Variants in JPH3 observed in about 807,000 individuals in gnomAD.
JPH3 encodes the protein junctophilin-3.
In JPH3, 11 loss-of-function variants were observed where a neutral mutation model predicts 59.6. The ratio of observed to expected loss-of-function variants is 0.18; its 90% confidence interval spans 0.12 to 0.31. The LOEUF is 0.31. Ranked by LOEUF, JPH3 falls within the 10% of genes least tolerant of loss-of-function variation. The pLI is 1.00. For missense variants in JPH3, 1,202 were observed against 1,105.7 expected (o/e 1.09, Z -1.24); for synonymous variants, 673 against 483.6 (o/e 1.39, Z -5.14).
chr16:87,687,568 G>A (rs1055583617), intron 3 of JPH3, among the ~76,000 whole-genome samples: 6 of 152,314 alleles, frequency 3.9e-5, no homozygotes, highest in Admixed American at 2.6e-4. Flanking sequence ...ATCCGCCCCC[G>A]CCCCAGAGGC....
intron 1 of JPH3, among the ~76,000 whole-genome samples, chr16:87,620,014 A>T (rs973509053): frequency 7.9e-5 from 12 of 152,252 alleles, no homozygotes; most frequent in African/African-American, 1.7e-4. Flanking sequence ...GGGCCCTCAC[A>T]CGTCACCCTT....
rs562557465 is a variant in JPH3 at position 87,634,072 on chromosome 16, C to T, written c.383-10186C>T. Among the ~76,000 whole-genome samples the T allele has an allele frequency of 7.2e-5, 11 of 152,304 alleles. No homozygotes were observed. The East Asian group carries it at 2.1e-3, about 29-fold the overall frequency. On this transcript the variant is annotated intron_variant, in intron 1 of 4. Transcript: ENST00000284262. ...GCCGTGCAATGAATGGGGCTCCGTG[C>T]AGCCGGGGACAAAGTGGGTGCAGAG... is the stretch of plus-strand genomic sequence containing the variant.
chr16:87,623,580 A>G (rs1405046199), intron 1 of JPH3, among the ~76,000 whole-genome samples: 1 of 152,192 alleles, frequency 6.6e-6, no homozygotes, highest in African/African-American at 2.4e-5. Context: ...TCATTCCCCA[A>G]CAAAACAACC....
chr16:87,677,227 A>C (rs4989520), intron 2 of JPH3, among the ~76,000 whole-genome samples: 35,784 of 95,120 alleles, frequency 0.38, 6,037 homozygotes, highest in Non-Finnish European at 0.41. Context: ...CACACACACA[A>C]AAAAAAAAAT....
chr16:87,663,654 C>A (rs190929637), intron 2 of JPH3, among the ~76,000 whole-genome samples: 2 of 152,300 alleles, frequency 1.3e-5, no homozygotes, highest in East Asian at 3.9e-4. Flanking sequence ...CACACAGCCC[C>A]AGCCGCCCCA....
rs577868514 is a variant in JPH3, at chr16:87,637,506, G to A, written c.383-6752G>A. On this transcript the variant is annotated intron_variant, in intron 1 of 4. Coordinates refer to ENST00000284262, the MANE Select transcript of JPH3 (RefSeq NM_020655.4). Reference sequence around the variant, plus strand: ...TTTGCGCCGGTGTTGGGCCTGAAGTGTGTCCTGTGTGCATGTCTCTGACCC... The same window carrying A: ...TTTGCGCCGGTGTTGGGCCTGAAGTATGTCCTGTGTGCATGTCTCTGACCC... Among the ~76,000 whole-genome samples the A allele has an allele frequency of 1.1e-4, 17 of 152,264 alleles. No homozygotes were observed. In the South Asian group the frequency reaches 3.5e-3, roughly 32 times the overall value.
intron 2 of JPH3, among the ~76,000 whole-genome samples, chr16:87,658,693 G>C (rs1044382910): frequency 1.3e-5 from 2 of 152,192 alleles, no homozygotes; most frequent in African/African-American, 4.8e-5. Context: ...CCAGCAGGTG[G>C]AGCAGGAGGA....
At chr16:87,691,806 TACA>T (rs749328711) in intron 4 of JPH3, among the ~76,000 whole-genome samples, 2 of 151,954 alleles carry the variant, frequency 1.3e-5, no homozygotes, top group Non-Finnish European at 2.9e-5. Context: ...AGCTCACACT[TACA>T]ACTTGATTTT....
chr16:87,687,128 A>C (rs1048070928), intron 3 of JPH3, among the ~76,000 whole-genome samples: 2 of 152,014 alleles, frequency 1.3e-5, no homozygotes, highest in Non-Finnish European at 2.9e-5. Flanking sequence ...ATTCAGGATC[A>C]GTGTTCCCAG....
At chr16:87,671,302 C>T (rs2033009726) in intron 2 of JPH3, among the ~76,000 whole-genome samples, 1 of 152,188 alleles carries the variant, frequency 6.6e-6, no homozygotes, top group African/African-American at 2.4e-5. Context: ...CTGGGTTGTG[C>T]TGAAGGAGGG....
At chr16:87,652,708 G>A (rs1052576369) in intron 2 of JPH3, among the ~76,000 whole-genome samples, 1 of 152,228 alleles carries the variant, frequency 6.6e-6, no homozygotes, top group African/African-American at 2.4e-5. Flanking sequence ...CTAGATGATG[G>A]TGCCTACTCT....
At chr16:87,679,104 C>A (rs1324678235) in intron 2 of JPH3, among the ~76,000 whole-genome samples, 1 of 152,196 alleles carries the variant, frequency 6.6e-6, no homozygotes, top group Admixed American at 6.5e-5. Context: ...GTGGGGCCCC[C>A]GTGTGCCCAT....
chr16:87,615,825 G>C (rs975560509), intron 1 of JPH3, among the ~76,000 whole-genome samples: 1 of 152,188 alleles, frequency 6.6e-6, no homozygotes, highest in African/African-American at 2.4e-5. Flanking sequence ...GGAGGCGAGT[G>C]GGGGAAGAGA....
chr16:87,681,190 TCAGGTGCACGCGGTGATGACAGTTCC>T (rs1217493496), intron 2 of JPH3, among the ~76,000 whole-genome samples: 1 of 142,386 alleles, frequency 7.0e-6, no homozygotes, highest in African/African-American at 2.7e-5. Flanking sequence ...TTCCGGGAGG[TCAGGTGCACGCGGTGATGACAGTTCC>T]GGGAGGTCAG....
chr16:87,687,294 C>T (rs543050390), intron 3 of JPH3, among the ~76,000 whole-genome samples: 3 of 152,144 alleles, frequency 2.0e-5, no homozygotes, highest in Non-Finnish European at 4.4e-5. Flanking sequence ...GTTGCCAGAG[C>T]GCTCAGGCAG....
At chr16:87,627,900 A>G (rs1168373724) in intron 1 of JPH3, among the ~76,000 whole-genome samples, 1 of 152,192 alleles carries the variant, frequency 6.6e-6, no homozygotes, top group Non-Finnish European at 1.5e-5. Flanking sequence ...CGCCCCTCGC[A>G]GGGGTTTCCA....
intron 1 of JPH3, among the ~76,000 whole-genome samples, chr16:87,620,458 G>GAGAGAGGGAGAGAAGGAGAGA (rs1308856186): frequency 1.9e-3 from 126 of 66,100 alleles, no homozygotes; most frequent in East Asian, 4.8e-3. Context: ...GAGAGAAGGA[G>GAGAGAGGGAGAGAAGGAGAGA]AGAGAGGGAG....
chr16:87,614,118 G>A (rs1220547859), intron 1 of JPH3, among the ~76,000 whole-genome samples: 1 of 152,212 alleles, frequency 6.6e-6, no homozygotes, highest in South Asian at 2.1e-4. Context: ...TGTAAGCTTG[G>A]GGGACTGCCA....
intron 1 of JPH3, among the ~76,000 whole-genome samples, chr16:87,626,601 G>A (rs1050994101): frequency 7.9e-5 from 12 of 152,236 alleles, no homozygotes; most frequent in Admixed American, 2.6e-4. Context: ...GCCACACCCC[G>A]AGTGGGCGGC....
Sources: allele counts gnomAD v4.1 joint callset (sites outside exome capture counted in the v4.1 genomes callset), GRCh38; gene constraint gnomAD v4.1.1; transcripts MANE v1.5; gene names NCBI Gene and HGNC (gene_info 2026-07-23, HGNC 2026-07-21).